Variants in PPP6R2 observed in about 807,000 individuals in gnomAD.
PPP6R2 encodes the protein serine/threonine-protein phosphatase 6 regulatory subunit 2.
A neutral mutation model predicts 100.2 loss-of-function variants in PPP6R2; 62 were observed. That is an observed-to-expected ratio of 0.62 (90% confidence interval 0.50 to 0.76). The LOEUF (loss-of-function observed/expected upper bound fraction) is 0.76. Ranked by LOEUF, PPP6R2 falls within the 30% of genes least tolerant of loss-of-function variation. The probability of loss-of-function intolerance (pLI) is 0.00; values close to 1 mark genes in which losing one functional copy is unlikely to be tolerated. For missense variants in PPP6R2, 1,142 were observed against 1,276.3 expected (o/e 0.89, Z 1.60); for synonymous variants, 525 against 514.7 (o/e 1.02, Z -0.27).
chr22:50,419,528 C>T (rs1372985210), intron 8 of PPP6R2, 66 bp downstream of exon 8: 29 of 1,096,352 alleles, frequency 2.6e-5, no homozygotes, highest in Middle Eastern at 2.0e-4. Context: ...GCAGCCCACA[C>T]GAGCAGTCTG....
At chr22:50,430,441 C>T (rs1402556606) in intron 10 of PPP6R2, among the ~76,000 whole-genome samples, 1 of 152,230 alleles carries the variant, frequency 6.6e-6, no homozygotes, top group Non-Finnish European at 1.5e-5. Flanking sequence ...TTCTCACATA[C>T]TTAGAACTGA....
chr22:50,407,921 C>T (rs922213947), intron 4 of PPP6R2, among the ~76,000 whole-genome samples: 5 of 151,918 alleles, frequency 3.3e-5, no homozygotes, highest in Admixed American at 6.6e-5. Context: ...GGTCTCACTA[C>T]GCCCAGGCTA....
rs547301942 is a variant in PPP6R2, at chr22:50,424,190, C to T, written c.1125+576C>T. 9.2e-5 allele frequency among the ~76,000 whole-genome samples: 14 copies of T among 152,286 alleles called. No individual in the cohort carries two copies. In the South Asian group the frequency reaches 1.0e-3, roughly 11 times the overall value. ...GAGCATGAGGCTGCTCCCCTGAGAACGAAGGGCACTGCCCTAGTGGGTCCT... is the reference window on the plus strand; with the variant it reads ...GAGCATGAGGCTGCTCCCCTGAGAATGAAGGGCACTGCCCTAGTGGGTCCT... On this transcript the variant is annotated intron_variant, in intron 10 of 23. Coordinates refer to ENST00000612753, the MANE Select transcript of PPP6R2 (RefSeq NM_001242898.2).
chr22:50,360,103 A>G (rs1223705860), intron 1 of PPP6R2, among the ~76,000 whole-genome samples: 1 of 148,464 alleles, frequency 6.7e-6, no homozygotes, highest in African/African-American at 2.5e-5. Flanking sequence ...TGGAGGCTGG[A>G]ATGCAATGGC....
At chr22:50,381,791 C>T (rs1213645456) in intron 2 of PPP6R2, among the ~76,000 whole-genome samples, 1 of 151,872 alleles carries the variant, frequency 6.6e-6, no homozygotes, top group African/African-American at 2.4e-5. Flanking sequence ...TCCCGTAGTC[C>T]CAGCTACTCA....
At chr22:50,349,405 G>T (rs73439337) in intron 1 of PPP6R2, among the ~76,000 whole-genome samples, 33,359 of 145,206 alleles carry the variant, frequency 0.23, 5,784 homozygotes, top group African/African-American at 0.49. Context: ...GTGGTGACTC[G>T]TGCCTATAAT....
At chr22:50,381,173 A>G (rs1328851888) in intron 2 of PPP6R2, among the ~76,000 whole-genome samples, 2 of 150,988 alleles carry the variant, frequency 1.3e-5, no homozygotes, top group African/African-American at 4.9e-5. Flanking sequence ...CAAACCATTT[A>G]CGAGGGATCT....
chr22:50,395,495 A>G (rs979399561), intron 3 of PPP6R2, among the ~76,000 whole-genome samples: 3 of 152,212 alleles, frequency 2.0e-5, no homozygotes, highest in Admixed American at 1.3e-4. Flanking sequence ...ACAGGTTAGC[A>G]AACCTCGGCC....
At chr22:50,396,487 T>C (rs1603154682) in intron 3 of PPP6R2, among the ~76,000 whole-genome samples, 2 of 133,792 alleles carry the variant, frequency 1.5e-5, no homozygotes, top group African/African-American at 5.7e-5. Flanking sequence ...AGAGTGAGAC[T>C]CCGTCTCAAA....
chr22:50,365,163 C>T (rs191004799), intron 1 of PPP6R2, among the ~76,000 whole-genome samples: 37 of 151,690 alleles, frequency 2.4e-4, no homozygotes, highest in Admixed American at 5.9e-4. Flanking sequence ...CCTCCACCTC[C>T]CGGGTTCAAG....
At chr22:50,436,577 T>TA in intron 14 of PPP6R2, 125 bp downstream of exon 14, 1 of 918,522 alleles carries the variant, frequency 1.1e-6, no homozygotes, top group South Asian at 1.5e-5. Context: ...CCTGCTCCTC[T>TA]TGACTATGCG....
chr22:50,383,582 TG>T (rs2148707035), intron 2 of PPP6R2, among the ~76,000 whole-genome samples: 1 of 152,138 alleles, frequency 6.6e-6, no homozygotes, highest in East Asian at 1.9e-4. Flanking sequence ...TTGCTTTCAG[TG>T]GGTTCCTTGG....
At chr22:50,421,713 C>T (rs891987725) in intron 8 of PPP6R2, among the ~76,000 whole-genome samples, 7 of 151,988 alleles carry the variant, frequency 4.6e-5, no homozygotes, top group African/African-American at 1.7e-4. Flanking sequence ...GTGATCGAGA[C>T]CAGCCTGGCC....
chr22:50,389,478 G>C (rs570726423), intron 2 of PPP6R2, among the ~76,000 whole-genome samples: 116 of 152,052 alleles, frequency 7.6e-4, no homozygotes, highest in Admixed American at 1.4e-3. Flanking sequence ...CAGTTTCTTT[G>C]ACAGTGAAAT....
At chr22:50,408,858 TA>T (rs2059352816) in intron 4 of PPP6R2, among the ~76,000 whole-genome samples, 1 of 152,262 alleles carries the variant, frequency 6.6e-6, no homozygotes, top group Admixed American at 6.5e-5. Flanking sequence ...CTCACGCCTG[TA>T]ATCCCAGCAC....
chr22:50,423,497 G>A lies in PPP6R2; in HGVS notation c.1008G>A (p.Glu336=). Residue 336 remains glutamate, a synonymous_variant, in exon 10 of 24, where the codon GAG becomes GAA. Transcript: ENST00000612753. The surrounding 1 kb of genome is among the most constrained non-coding windows in gnomAD (Gnocchi z 4.8). ...KAILTTIGVL[E]EPLGNARLHG... Reference sequence around the variant, plus strand: ...TCCTGACCACCATTGGTGTGCTGGAGGAGCCCCTGGGGAATGCCCGTCTGC... The same window carrying A: ...TCCTGACCACCATTGGTGTGCTGGAAGAGCCCCTGGGGAATGCCCGTCTGC... 1 of 1,614,232 alleles carries A rather than the reference G, an allele frequency of 6.2e-7. No homozygotes were observed. The highest frequency in any genetic ancestry group is 1.1e-5 in the South Asian group (1 of 91,090).
At chr22:50,414,815 C>T (rs2060298769) in intron 5 of PPP6R2, 126 bp downstream of exon 5, 4 of 1,093,820 alleles carry the variant, frequency 3.7e-6, no homozygotes, top group East Asian at 2.6e-5. Context: ...TGCATTTCTC[C>T]GTGGGGCTGT....
At chr22:50,349,286 C>A (rs1408024651) in intron 1 of PPP6R2, among the ~76,000 whole-genome samples, 1 of 146,434 alleles carries the variant, frequency 6.8e-6, no homozygotes, top group Admixed American at 7.0e-5. Flanking sequence ...TCACCTGAGC[C>A]TGGGGAGGTC....
At chr22:50,421,769 G>A (rs1173154374) in intron 8 of PPP6R2, among the ~76,000 whole-genome samples, 2 of 152,142 alleles carry the variant, frequency 1.3e-5, no homozygotes, top group Non-Finnish European at 2.9e-5. Flanking sequence ...AAAGGAGGCT[G>A]AGGCAGGAGA....
Sources: allele counts gnomAD v4.1 joint callset (sites outside exome capture counted in the v4.1 genomes callset), GRCh38; gene constraint gnomAD v4.1.1; non-coding constraint Gnocchi (gnomAD v3.1); transcripts MANE v1.5; gene names NCBI Gene and HGNC (gene_info 2026-07-23, HGNC 2026-07-21).